SSPN: variants seen among roughly 807,000 people sequenced by gnomAD.
The protein encoded by SSPN is sarcospan.
Under a neutral mutation model 19.1 loss-of-function variants are expected in SSPN, and 15 were observed. That is an observed-to-expected ratio of 0.78 (90% CI 0.52 to 1.21). The LOEUF is 1.21. Among genes scored for constraint, SSPN ranks in the 50% most tolerant of loss-of-function variants. SSPN has a pLI of 0.00. For missense variants in SSPN, 291 were observed against 314.0 expected, an observed-to-expected ratio of 0.93 and a Z score of 0.55; for synonymous variants, 147 against 140.3, an observed-to-expected ratio of 1.05 and a Z score of -0.34.
chr12:26,231,302 A>G lies in SSPN; in HGVS notation c.*226A>G. The stretch of plus-strand genomic sequence containing the variant: ...GCAAGATCCAAATTGATTTTGGGAT[A>G]TTAAAAGTTAACAGAACACTGAACA... On this transcript the variant is annotated 3_prime_UTR_variant, in exon 3 of 3. Transcript: ENST00000242729. The G allele has an allele frequency of 1.7e-6, 1 of 600,034 alleles. No homozygotes were observed. The highest frequency in any genetic ancestry group is 2.6e-6 in the Non-Finnish European group (1 of 383,546). 37.2% of individuals were successfully genotyped at this position (600,034 alleles called of 1,614,324 possible).
intron 2 of SSPN, 86 bp downstream of exon 2, chr12:26,224,465 C>A: frequency 8.7e-7 from 1 of 1,145,030 alleles, no homozygotes; most frequent in Non-Finnish European, 1.3e-6. Flanking sequence ...TAAGGGGTTG[C>A]ATATCTGATT....
At chr12:26,225,407 G>A (rs1945166725) in intron 2 of SSPN, among the ~76,000 whole-genome samples, 1 of 151,966 alleles carries the variant, frequency 6.6e-6, no homozygotes, top group Non-Finnish European at 1.5e-5. Context: ...TAAAAAGCTG[G>A]TTACACAAAA....
intron 1 of SSPN, chr12:26,122,628 C>G: frequency 8.3e-7 from 1 of 1,209,598 alleles, no homozygotes; most frequent in Non-Finnish European, 1.0e-6. Flanking sequence ...CGCCGCCGCG[C>G]CGCCCCCCGG....
intron 1 of SSPN, among the ~76,000 whole-genome samples, chr12:26,162,701 A>G (rs1039274023): frequency 6.6e-6 from 1 of 151,436 alleles, no homozygotes; most frequent in Admixed American, 6.6e-5. Context: ...GAATGAAACA[A>G]TTTACTAAAG....
At chr12:26,157,216 T>C (rs1441286093) in intron 1 of SSPN, among the ~76,000 whole-genome samples, 1 of 152,248 alleles carries the variant, frequency 6.6e-6, no homozygotes, top group Non-Finnish European at 1.5e-5. Flanking sequence ...TGGCTAATAA[T>C]TAACAAAAGC....
At chr12:26,192,892 A>G (rs1173838622), upstream of SSPN, among the ~76,000 whole-genome samples, 1 of 141,184 alleles carries the variant, frequency 7.1e-6, no homozygotes, top group Non-Finnish European at 1.6e-5. Flanking sequence ...AATGTATAGC[A>G]ATATCCTACT....
intron 1 of SSPN, among the ~76,000 whole-genome samples, chr12:26,163,611 C>A (rs1944603107): frequency 6.6e-6 from 1 of 152,108 alleles, no homozygotes; most frequent in Non-Finnish European, 1.5e-5. Flanking sequence ...CTGAATGCAT[C>A]CTGAAGCCTC....
At chr12:26,192,972 T>C (rs1944798283), upstream of SSPN, among the ~76,000 whole-genome samples, 2 of 152,240 alleles carry the variant, frequency 1.3e-5, no homozygotes. Context: ...TGTTTCACTT[T>C]TAATTGCATG....
intron 1 of SSPN, among the ~76,000 whole-genome samples, chr12:26,203,337 C>T (rs1435280986): frequency 6.6e-6 from 1 of 152,166 alleles, no homozygotes; most frequent in Non-Finnish European, 1.5e-5. Context: ...AAATCCAGAG[C>T]TGGATGGGAC....
At chr12:26,161,434 C>T (rs1391343087) in intron 1 of SSPN, among the ~76,000 whole-genome samples, 1 of 152,120 alleles carries the variant, frequency 6.6e-6, no homozygotes, top group East Asian at 1.9e-4. Flanking sequence ...AGTCTTTGCT[C>T]AACTCTTTCC....
At chr12:26,212,516 TG>T (rs1944999833) in intron 1 of SSPN, among the ~76,000 whole-genome samples, 1 of 152,074 alleles carries the variant, frequency 6.6e-6, no homozygotes, top group Non-Finnish European at 1.5e-5. Context: ...CCCAACTCCC[TG>T]GAAAGATGTG....
chr12:26,171,059 CA>C (rs913733201), intron 1 of SSPN, among the ~76,000 whole-genome samples: 3 of 152,162 alleles, frequency 2.0e-5, no homozygotes, highest in African/African-American at 7.2e-5. Flanking sequence ...TGATGAGATT[CA>C]AACCCTTCCC....
intron 1 of SSPN, among the ~76,000 whole-genome samples, chr12:26,182,732 C>G (rs1277179803): frequency 6.7e-6 from 1 of 149,288 alleles, no homozygotes; most frequent in East Asian, 2.0e-4. Flanking sequence ...TATGTAGAGG[C>G]TTTTAAATAT....
intron 1 of SSPN, among the ~76,000 whole-genome samples, chr12:26,171,221 T>C (rs1320574358): frequency 6.6e-6 from 1 of 152,190 alleles, no homozygotes; most frequent in Admixed American, 6.5e-5. Flanking sequence ...ACTCAGTAAA[T>C]GAGTATGTAT....
intron 1 of SSPN, among the ~76,000 whole-genome samples, chr12:26,205,100 T>G (rs902964112): frequency 2.0e-5 from 3 of 152,174 alleles, no homozygotes; most frequent in African/African-American, 7.2e-5. Context: ...CAAATGAGCA[T>G]TCTCAGATTC....
intron 1 of SSPN, among the ~76,000 whole-genome samples, chr12:26,219,474 A>C (rs965641421): frequency 6.8e-3 from 18 of 2,664 alleles, no homozygotes; most frequent in Admixed American, 0.017. Flanking sequence ...CAGGACTCGC[A>C]CATCCACAAA....
chr12:26,226,613 T>TGCCTCTCTGCCTCTGGGCTTG (rs1204361100), intron 2 of SSPN, among the ~76,000 whole-genome samples: 10 of 152,158 alleles, frequency 6.6e-5, no homozygotes, highest in Non-Finnish European at 1.3e-4. Flanking sequence ...CCCTGGGCTT[T>TGCCTCTCTGCCTCTGGGCTTG]GCCTCTCTGC....
intron 1 of SSPN, among the ~76,000 whole-genome samples, chr12:26,173,794 G>T (rs1219953273): frequency 6.6e-6 from 1 of 152,040 alleles, no homozygotes; most frequent in Non-Finnish European, 1.5e-5. Flanking sequence ...AAAATATATT[G>T]CCCTTACCAT....
chr12:26,183,281 C>T (rs1401599561), intron 1 of SSPN, among the ~76,000 whole-genome samples: 1 of 152,140 alleles, frequency 6.6e-6, no homozygotes, highest in Non-Finnish European at 1.5e-5. Flanking sequence ...TACCTTTTCT[C>T]ATAAAACTTT....
Sources: allele counts gnomAD v4.1 joint callset (sites outside exome capture counted in the v4.1 genomes callset), GRCh38; gene constraint gnomAD v4.1.1; transcripts MANE v1.5; gene names NCBI Gene and HGNC (gene_info 2026-07-23, HGNC 2026-07-21).